Variants in GUCY1A2 observed in about 807,000 individuals in gnomAD.
GUCY1A2 encodes the protein guanylate cyclase 1 soluble subunit alpha 2.
In GUCY1A2, 27 loss-of-function variants were observed where a neutral mutation model predicts 63.5. That is an observed-to-expected ratio of 0.43 (90% CI 0.31 to 0.59). The LOEUF (loss-of-function observed/expected upper bound fraction) is 0.59, where lower values mean the gene tolerates loss of function less well. GUCY1A2 is among the 20% of genes least tolerant of loss of function. GUCY1A2 has a pLI of 0.11. For missense variants in GUCY1A2, 768 were observed against 913.3 expected, an observed-to-expected ratio of 0.84 and a Z score of 2.05; for synonymous variants, 364 against 343.5, an observed-to-expected ratio of 1.06 and a Z score of -0.66.
intron 5 of GUCY1A2, among the ~76,000 whole-genome samples, chr11:106,804,933 G>A (rs1858661070): frequency 6.6e-6 from 1 of 152,156 alleles, no homozygotes; most frequent in Admixed American, 6.5e-5. Context: ...TTCCCTGTGA[G>A]TGAGCCTGGA....
chr11:106,798,129 T>G (rs914164415), intron 5 of GUCY1A2, among the ~76,000 whole-genome samples: 1 of 152,070 alleles, frequency 6.6e-6, no homozygotes, highest in African/African-American at 2.4e-5. Flanking sequence ...GAGAATACTA[T>G]AAACACCTCT....
At chr11:106,912,431 A>G (rs73553851) in intron 4 of GUCY1A2, among the ~76,000 whole-genome samples, 4 of 152,084 alleles carry the variant, frequency 2.6e-5, no homozygotes, top group African/African-American at 7.2e-5. Flanking sequence ...CCTCTGTCCT[A>G]TATAAGCATT....
intron 7 of GUCY1A2, among the ~76,000 whole-genome samples, chr11:106,699,462 C>T (rs547507886): frequency 1.1e-4 from 17 of 152,134 alleles, no homozygotes; most frequent in Non-Finnish European, 1.5e-4. Flanking sequence ...AGCAGAGTTG[C>T]CAATCACAGT....
chr11:106,788,519 G>C (rs1461935153), intron 5 of GUCY1A2, among the ~76,000 whole-genome samples: 5 of 152,060 alleles, frequency 3.3e-5, no homozygotes, highest in Non-Finnish European at 7.4e-5. Flanking sequence ...CATAGTTTGA[G>C]GTCTTAGATT....
chr11:106,806,709 C>T (rs1858691830), intron 5 of GUCY1A2, among the ~76,000 whole-genome samples: 6 of 152,172 alleles, frequency 3.9e-5, no homozygotes, highest in Admixed American at 3.3e-4. Context: ...CTAGCTCTTA[C>T]TTAGTATTCA....
At chr11:106,824,418 A>G (rs1858940613) in intron 4 of GUCY1A2, among the ~76,000 whole-genome samples, 1 of 151,778 alleles carries the variant, frequency 6.6e-6, no homozygotes, top group African/African-American at 2.4e-5. Flanking sequence ...GAATGGGAGG[A>G]CTCTGTTTTA....
intron 4 of GUCY1A2, among the ~76,000 whole-genome samples, chr11:106,916,420 G>A (rs1860370984): frequency 6.9e-6 from 1 of 145,266 alleles, no homozygotes; most frequent in South Asian, 2.4e-4. Flanking sequence ...GTTGTTGAGA[G>A]TATTAAATAT....
intron 4 of GUCY1A2, among the ~76,000 whole-genome samples, chr11:106,820,189 T>A (rs1328187404): frequency 6.6e-6 from 1 of 152,180 alleles, no homozygotes; most frequent in African/African-American, 2.4e-5. Context: ...TAAAACCAAC[T>A]TTCCCCCATA....
At position 106,827,417 on chromosome 11, in the gene GUCY1A2, G is replaced by A. The variant is rs574852383; in HGVS notation, c.1207-16939C>T. 231 of 1,481,858 alleles carry A rather than the reference G, an allele frequency of 1.6e-4. 1 individual carries two copies. The South Asian group carries it at 2.6e-3, about 16-fold the overall frequency. 91.8% of individuals were successfully genotyped at this position (1,481,858 alleles called of 1,614,324 possible). On this transcript the variant is annotated intron_variant, in intron 4 of 7. Coordinates refer to ENST00000526355, the MANE Select transcript of GUCY1A2 (RefSeq NM_000855.3). ...CCTTCAATTTCATACACTAACTCAAGTGCGATACCACCGTTCCCTAAGATC... is the reference window on the plus strand; with the variant it reads ...CCTTCAATTTCATACACTAACTCAAATGCGATACCACCGTTCCCTAAGATC...
intron 5 of GUCY1A2, among the ~76,000 whole-genome samples, chr11:106,790,686 G>A (rs1446297077): frequency 6.6e-6 from 1 of 152,154 alleles, no homozygotes; most frequent in Admixed American, 6.5e-5. Context: ...CAGGGCCCAA[G>A]GGCTCTTTAG....
chr11:106,910,318 C>T (rs1860275854), intron 4 of GUCY1A2, among the ~76,000 whole-genome samples: 1 of 151,892 alleles, frequency 6.6e-6, no homozygotes, highest in Admixed American at 6.6e-5. Context: ...AAAAATACAA[C>T]AATATTATAA....
chr11:106,771,982 A>G (rs1220721652), intron 6 of GUCY1A2, among the ~76,000 whole-genome samples: 2 of 152,212 alleles, frequency 1.3e-5, no homozygotes, highest in Admixed American at 1.3e-4. Context: ...TTATAGATAT[A>G]GTCCAGAAGT....
rs1467808544 is a variant in GUCY1A2 at position 106,894,896 on chromosome 11, TAA to T, written c.1206+44562_1206+44563del. Among the ~76,000 whole-genome samples, 7 of 151,804 alleles carry T rather than the reference TAA, an allele frequency of 4.6e-5. 1 individual carries two copies. The highest frequency in any genetic ancestry group is 4.2e-4 in the South Asian group (2 of 4,800). The stretch of plus-strand genomic sequence containing the variant: ...TCCAAAGTCGGCCTGAGAAAAGAAA[TAA>T]AGTCAGAATAGAAACCTATGAAATT... On this transcript the variant is annotated intron_variant, in intron 4 of 7. Coordinates refer to ENST00000526355, the MANE Select transcript of GUCY1A2 (RefSeq NM_000855.3).
At chr11:106,770,050 C>G (rs1412313745) in intron 6 of GUCY1A2, among the ~76,000 whole-genome samples, 1 of 149,746 alleles carries the variant, frequency 6.7e-6, no homozygotes, top group Non-Finnish European at 1.5e-5. Flanking sequence ...AAAAATATAA[C>G]AAACAAAAAT....
At chr11:106,971,563 A>T (rs1211501671) in intron 3 of GUCY1A2, among the ~76,000 whole-genome samples, 2 of 152,134 alleles carry the variant, frequency 1.3e-5, no homozygotes, top group Non-Finnish European at 2.9e-5. Flanking sequence ...CCTTGTTAGA[A>T]AGAAGGATAT....
At chr11:106,739,149 T>C (rs572872310) in intron 6 of GUCY1A2, among the ~76,000 whole-genome samples, 8 of 152,116 alleles carry the variant, frequency 5.3e-5, no homozygotes, top group Non-Finnish European at 1.2e-4. Flanking sequence ...ATTCTCTTTG[T>C]AGCAATTGTG....
intron 4 of GUCY1A2, among the ~76,000 whole-genome samples, chr11:106,868,661 C>A (rs1260963292): frequency 6.6e-6 from 1 of 152,082 alleles, no homozygotes; most frequent in Non-Finnish European, 1.5e-5. Flanking sequence ...GAATCAATAT[C>A]ATGAAAATGG....
chr11:106,892,649 T>G (rs1859990311), intron 4 of GUCY1A2, among the ~76,000 whole-genome samples: 1 of 151,444 alleles, frequency 6.6e-6, no homozygotes, highest in Admixed American at 6.6e-5. Context: ...TTCCAAAAAA[T>G]AGTTGTGTAT....
intron 4 of GUCY1A2, among the ~76,000 whole-genome samples, chr11:106,861,384 C>A (rs1034100224): frequency 5.3e-5 from 8 of 151,944 alleles, no homozygotes; most frequent in South Asian, 2.1e-4. Flanking sequence ...TACTCAATAA[C>A]AAATCAGTAT....
Sources: gnomAD v4.1 joint callset for allele counts (sites outside exome capture counted in the v4.1 genomes callset) on GRCh38, gnomAD v4.1.1 for gene constraint, MANE v1.5 for transcripts, NCBI Gene and HGNC (gene_info 2026-07-23, HGNC 2026-07-21) for gene names.